COMMD5: variants seen among roughly 807,000 people sequenced by gnomAD.
COMMD5 encodes COMM domain-containing protein 5.
COMMD5 carries 10 observed loss-of-function variants against 6.9 expected under a neutral mutation model. That is an observed-to-expected ratio of 1.44 (90% confidence interval 0.89 to 2.45). The LOEUF (loss-of-function observed/expected upper bound fraction) is 2.45. Ranked by LOEUF, COMMD5 falls within the 30% of genes most tolerant of loss-of-function variation. The pLI is 0.00. For missense variants in COMMD5, 234 were observed against 287.8 expected (o/e 0.81, Z 1.35); for synonymous variants, 127 against 125.3 (o/e 1.01, Z -0.09).
downstream of COMMD5, chr8:144,846,097 GCT>G (rs1407270010): frequency 6.5e-7 from 1 of 1,535,942 alleles, no homozygotes; most frequent in Non-Finnish European, 8.7e-7. Context: ...CTCCTCCTGG[GCT>G]CTCGTCATCT....
intron 1 of COMMD5, chr8:144,843,884 AG>A (rs773888357): frequency 6.6e-6 from 1 of 152,220 alleles, no homozygotes; most frequent in Non-Finnish European, 1.5e-5. Context: ...GAGGTCCAGG[AG>A]TGCCTAGAAT....
intron 1 of COMMD5, among the ~76,000 whole-genome samples, 180 bp from the exon 2 acceptor site, chr8:144,851,575 C>T (rs1262994447): frequency 3.3e-5 from 5 of 151,860 alleles, no homozygotes; most frequent in South Asian, 2.1e-4. Flanking sequence ...CCAGGAGGAG[C>T]GGAGGCCTCC....
rs71320849 is a variant in COMMD5, at chr8:144,844,709, C to CAAAAAAAAA, written c.*117-2975_*117-2967dup. On this transcript the variant is annotated intron_variant and NMD_transcript_variant, in intron 1 of 1. Coordinates refer to the COMMD5 transcript ENST00000530332. Reference sequence around the variant, plus strand: ...GGGTGACAAGAGTGTGACTCTGTATCAAAAAAAAAAAAAAAAAAAAAAAAA... The same window carrying CAAAAAAAAA: ...GGGTGACAAGAGTGTGACTCTGTATCAAAAAAAAAAAAAAAAAAAAAAAAAAAAAAAAAA... 5.1e-4 allele frequency among the ~76,000 whole-genome samples: 45 copies of CAAAAAAAAA among 88,634 alleles called. 2 individuals are homozygous for CAAAAAAAAA. Among genetic ancestry groups the CAAAAAAAAA allele is most frequent in the African/African-American group, 1.9e-3 (44 of 23,730 alleles). 58.1% of individuals were successfully genotyped at this position (88,634 alleles called of 152,430 possible). A position where few individuals can be genotyped will look rare whatever the true frequency, so the allele number is the denominator to read the frequency against.
intron 1 of COMMD5, chr8:144,842,962 T>TCCA (rs1830150362): frequency 2.5e-6 from 4 of 1,614,090 alleles, no homozygotes; most frequent in Non-Finnish European, 3.4e-6. Context: ...CCTGGAAGGG[T>TCCA]CCACCTTTGT....
At chr8:144,839,371 C>T (rs137948857), downstream of COMMD5, among the ~76,000 whole-genome samples, 293 of 152,370 alleles carry the variant, frequency 1.9e-3, 2 homozygotes, top group African/African-American at 6.8e-3. Flanking sequence ...ACTGGCTCTG[C>T]TGGCTACTCC....
downstream of COMMD5, chr8:144,838,969 G>A (rs555893494): frequency 1.3e-5 from 2 of 151,506 alleles, no homozygotes; most frequent in Admixed American, 1.3e-4. Context: ...AAAAGCAGGG[G>A]CTGTGATCTT....
rs989055814 is a variant in COMMD5 at position 144,852,089 on chromosome 8, C to T, written c.-57-694G>A. On this transcript the variant is annotated intron_variant, in intron 1 of 1. Coordinates refer to ENST00000305103, the MANE Select transcript of COMMD5 (RefSeq NM_014066.4). ...CCAGGAAGTCGTGGCTGCAGTGAGACGAAATCGAGCCGCTGCACTCCAGCC... is the reference window on the plus strand; with the variant it reads ...CCAGGAAGTCGTGGCTGCAGTGAGATGAAATCGAGCCGCTGCACTCCAGCC... Among the ~76,000 whole-genome samples, 3 of 134,440 alleles carry T rather than the reference C, an allele frequency of 2.2e-5. No homozygotes were observed. The East Asian group carries it at 6.8e-4, about 31-fold the overall frequency. The allele number at this position is 134,440 out of a possible 152,430, so 88.2% of individuals were successfully genotyped here. A position where few individuals can be genotyped will look rare whatever the true frequency, so the allele number is the denominator to read the frequency against.
chr8:144,843,212 CCTTAACTTA>C (rs1563848053), intron 1 of COMMD5: 19 of 1,503,272 alleles, frequency 1.3e-5, no homozygotes, highest in Non-Finnish European at 1.6e-5. Context: ...AAACCTATAG[CCTTAACTTA>C]CTTATTTTAT....
chr8:144,843,081 G>A (rs1830176868), intron 1 of COMMD5: 1 of 1,613,380 alleles, frequency 6.2e-7, no homozygotes, highest in East Asian at 2.2e-5. Flanking sequence ...TTCACACCGG[G>A]GAGAAGCCTT....
At chr8:144,846,036 C>T (rs780062300), downstream of COMMD5, 33 of 1,536,556 alleles carry the variant, frequency 2.1e-5, 1 homozygote, top group South Asian at 3.7e-4. Flanking sequence ...GCACCGCCTG[C>T]AACTCCTGTT....
At chr8:144,850,032 C>G (rs1830665930), downstream of COMMD5, 1 of 152,456 alleles carries the variant, frequency 6.6e-6, no homozygotes, top group Admixed American at 6.5e-5. This position sits in a 1 kb window ranked among gnomAD's most constrained non-coding sequence, Gnocchi z 4.0. Flanking sequence ...CCGTCCTCCC[C>G]ACCTTGTGCT....
chr8:144,842,773 A>T (rs1830118282), intron 1 of COMMD5: 8 of 1,614,222 alleles, frequency 5.0e-6, no homozygotes, highest in Non-Finnish European at 5.9e-6. Context: ...CTATAAATGT[A>T]ATGAATGTGG....
At position 144,843,317 on chromosome 8, in the gene COMMD5, T is replaced by C. The variant is rs559045193; in HGVS notation, c.*117-1574A>G. ...AGAATATCCAACTTCAGGCCGAGTG[T>C]GGTGGCTTATGCCTGTCATCCCAGC... On this transcript the variant is annotated intron_variant and NMD_transcript_variant, in intron 1 of 1. Coordinates refer to the COMMD5 transcript ENST00000530332. 3,295 of 1,028,990 alleles carry C rather than the reference T, an allele frequency of 3.2e-3. 19 individuals carry two copies. The highest frequency in any genetic ancestry group is 5.2e-3 in the South Asian group (279 of 53,836). The allele number at this position is 1,028,990 out of a possible 1,614,324, so 63.7% of individuals were successfully genotyped here. A position where few individuals can be genotyped will look rare whatever the true frequency, so the allele number is the denominator to read the frequency against.
chr8:144,852,636 C>T (rs1367553596), intron 1 of COMMD5: 1 of 152,388 alleles, frequency 6.6e-6, no homozygotes, highest in Admixed American at 6.5e-5. Context: ...GAGCTCCTTC[C>T]CACTCCAAAG....
intron 1 of COMMD5, chr8:144,843,282 A>G: frequency 7.6e-7 from 1 of 1,313,314 alleles, no homozygotes; most frequent in Non-Finnish European, 1.0e-6. Context: ...AAGGTTCAGA[A>G]TTGCTCTCAA....
chr8:144,844,583 A>G (rs1024382437), intron 1 of COMMD5, among the ~76,000 whole-genome samples: 10 of 151,752 alleles, frequency 6.6e-5, no homozygotes, highest in African/African-American at 1.2e-4. Flanking sequence ...GGTGGCGGGC[A>G]CCTGTAGTCT....
At chr8:144,838,958 A>AGGGGCTGTG (rs1829462701), downstream of COMMD5, 2 of 152,054 alleles carry the variant, frequency 1.3e-5, no homozygotes, top group Admixed American at 6.6e-5. Flanking sequence ...AAAAAAAAAA[A>AGGGGCTGTG]AAAAGCAGGG....
intron 1 of COMMD5, chr8:144,841,794 A>G: frequency 6.2e-7 from 1 of 1,614,244 alleles, no homozygotes; most frequent in Non-Finnish European, 8.5e-7. Flanking sequence ...AAGAATGCCA[A>G]AAAAAGTTAT....
intron 1 of COMMD5, chr8:144,842,480 G>C: frequency 6.2e-7 from 1 of 1,613,960 alleles, no homozygotes; most frequent in Non-Finnish European, 8.5e-7. Flanking sequence ...CGGCTTATTC[G>C]CCATCAGAGA....
Sources: gnomAD v4.1 joint callset for allele counts (sites outside exome capture counted in the v4.1 genomes callset) on GRCh38, gnomAD v4.1.1 for gene constraint, Gnocchi (gnomAD v3.1) non-coding constraint, MANE v1.5 for transcripts, NCBI Gene and HGNC (gene_info 2026-07-23, HGNC 2026-07-21) for gene names.